The following SMIM14 variants were observed in gnomAD, a reference collection of about 807,000 sequenced individuals.
SMIM14 encodes the protein chromosome 4 open reading frame 34.
A neutral mutation model predicts 12.6 loss-of-function variants in SMIM14; 5 were observed. The ratio of observed to expected loss-of-function variants is 0.40; its 90% confidence interval spans 0.21 to 0.83. The LOEUF (loss-of-function observed/expected upper bound fraction) is 0.83, where lower values mean the gene tolerates loss of function less well. SMIM14 is among the 40% of genes least tolerant of loss of function. The probability of loss-of-function intolerance (pLI) is 0.37; values close to 1 mark genes in which losing one functional copy is unlikely to be tolerated. For missense variants in SMIM14, 86 were observed against 119.1 expected, an observed-to-expected ratio of 0.72 and a Z score of 1.29; for synonymous variants, 30 against 40.1, an observed-to-expected ratio of 0.75 and a Z score of 0.95.
At chr4:39,597,317 T>C (rs940657517) in intron 2 of SMIM14, among the ~76,000 whole-genome samples, 1 of 152,104 alleles carries the variant, frequency 6.6e-6, no homozygotes, top group African/African-American at 2.4e-5. Flanking sequence ...TCAGATGGTA[T>C]TGACTTTTCA....
rs1470782599 is a variant in SMIM14, at chr4:39,619,438, CAATA to C, written c.-35-14262_-35-14259del. Among the ~76,000 whole-genome samples the C allele has an allele frequency of 3.6e-5, 3 of 83,360 alleles. 1 individual carries two copies. Among genetic ancestry groups the C allele is most frequent in the African/African-American group, 5.4e-5 (1 of 18,466 alleles). 54.7% of individuals were successfully genotyped at this position (83,360 alleles called of 152,430 possible). A position where few individuals can be genotyped will look rare whatever the true frequency, so the allele number is the denominator to read the frequency against. ...TCAATAAATATAATTTATTCTATAT[CAATA>C]AATATAATTTATTCTATATCAATAA... On this transcript the variant is annotated intron_variant, in intron 1 of 4. Transcript: ENST00000295958.
chr4:39,561,195 C>T (rs922015017), intron 3 of SMIM14, among the ~76,000 whole-genome samples: 1 of 152,198 alleles, frequency 6.6e-6, no homozygotes, highest in African/African-American at 2.4e-5. Context: ...CTGAAATGTT[C>T]CAATGAGCAT....
intron 1 of SMIM14, among the ~76,000 whole-genome samples, chr4:39,611,623 G>A (rs1321854382): frequency 2.6e-5 from 4 of 151,864 alleles, no homozygotes; most frequent in African/African-American, 7.3e-5. Context: ...ATAGTGAGCC[G>A]AGATTGCCCA....
intron 1 of SMIM14, among the ~76,000 whole-genome samples, chr4:39,610,284 GT>G (rs1479993875): frequency 6.6e-6 from 1 of 152,076 alleles, no homozygotes; most frequent in Non-Finnish European, 1.5e-5. Context: ...ACCGCGCCTG[GT>G]CCAATTTAAC....
intron 1 of SMIM14, among the ~76,000 whole-genome samples, chr4:39,637,388 G>A (rs1393864772): frequency 6.6e-6 from 1 of 152,028 alleles, no homozygotes; most frequent in Non-Finnish European, 1.5e-5. Context: ...ATATCTCAAC[G>A]GCAAACACTG....
At chr4:39,587,259 G>A (rs901913337) in intron 2 of SMIM14, among the ~76,000 whole-genome samples, 22 of 151,898 alleles carry the variant, frequency 1.4e-4, no homozygotes, top group African/African-American at 4.6e-4. Flanking sequence ...CACTTTGGGA[G>A]GCCGAGGTGG....
In SMIM14 at chr4:39,546,870, G is replaced by A. The variant is rs1194813724; in HGVS notation, c.*5256C>T. The A allele has an allele frequency of 1.3e-5, 2 of 152,160 alleles. No homozygotes were observed. The highest frequency in any genetic ancestry group is 2.9e-5 in the Non-Finnish European group (2 of 68,026). The allele number at this position is 152,160 out of a possible 1,614,324, so 9.4% of individuals were successfully genotyped here. A position where few individuals can be genotyped will look rare whatever the true frequency, so the allele number is the denominator to read the frequency against. ...TATATGAGTATTCATGACCTTTAAT[G>A]TCTGGACACATTCTAGGTCACAGAA... On this transcript the variant is annotated 3_prime_UTR_variant, in exon 5 of 5. Transcript: ENST00000295958.
intron 1 of SMIM14, among the ~76,000 whole-genome samples, chr4:39,637,599 G>C (rs1252914177): frequency 1.4e-5 from 2 of 140,280 alleles, no homozygotes; most frequent in Non-Finnish European, 3.1e-5. Flanking sequence ...CACCACGTTG[G>C]AAAAAAAAAA....
chr4:39,552,618 T>C (rs1370113501), intron 4 of SMIM14, among the ~76,000 whole-genome samples: 2 of 152,234 alleles, frequency 1.3e-5, no homozygotes, highest in Non-Finnish European at 2.9e-5. Context: ...GTGGCTGCAG[T>C]TGCTTCTGGT....
At chr4:39,564,885 C>A (rs1344527700) in intron 3 of SMIM14, among the ~76,000 whole-genome samples, 7 of 152,028 alleles carry the variant, frequency 4.6e-5, no homozygotes, top group Non-Finnish European at 1.0e-4. Flanking sequence ...AGTGAAGTGA[C>A]CTGGGATTGG....
intron 1 of SMIM14, among the ~76,000 whole-genome samples, chr4:39,636,308 C>G (rs115505530): frequency 0.012 from 1,787 of 152,082 alleles, 30 homozygotes; most frequent in African/African-American, 0.041. Context: ...AATCTTTACC[C>G]GAATCAAACC....
rs1712122212 is a variant in SMIM14 at position 39,558,438 on chromosome 4, C to T, written c.125-1868G>A. Among the ~76,000 whole-genome samples, 2 of 152,216 alleles carry T rather than the reference C, an allele frequency of 1.3e-5. No homozygotes were observed. Among genetic ancestry groups the T allele is most frequent in the African/African-American group, 4.8e-5 (2 of 41,446 alleles). The stretch of plus-strand genomic sequence containing the variant: ...GCACAGATAAGCCTGGACAGATAAG[C>T]AGCCAGTAAAGCAAACAAGCCTTTT... On this transcript the variant is annotated intron_variant, in intron 3 of 4. Coordinates refer to ENST00000295958, the MANE Select transcript of SMIM14 (RefSeq NM_174921.3). The surrounding 1 kb of genome is among the most constrained non-coding windows in gnomAD (Gnocchi z 4.3).
chr4:39,599,755 C>T (rs1340897520), intron 2 of SMIM14, among the ~76,000 whole-genome samples: 1 of 151,910 alleles, frequency 6.6e-6, no homozygotes, highest in Non-Finnish European at 1.5e-5. Context: ...AACCCCGTCT[C>T]TACTAAAATT....
At chr4:39,608,375 T>A (rs1056398932) in intron 1 of SMIM14, among the ~76,000 whole-genome samples, 6 of 152,138 alleles carry the variant, frequency 3.9e-5, no homozygotes. Flanking sequence ...TTGTTTGCAA[T>A]AGACAAGAGA....
chr4:39,602,556 T>C (rs373799378), intron 2 of SMIM14, among the ~76,000 whole-genome samples: 28 of 152,154 alleles, frequency 1.8e-4, no homozygotes, highest in African/African-American at 6.5e-4. Flanking sequence ...GACTGCATCA[T>C]TGTACTCCAG....
chr4:39,572,488 TAGTGATTAGACTTAAACAAA>T (rs756749839), intron 2 of SMIM14, 25 bp from the exon 3 acceptor site: 1 of 1,592,838 alleles, frequency 6.3e-7, no homozygotes, highest in South Asian at 1.1e-5. Context: ...AAAGGGAAGT[TAGTGATTAGACTTAAACAAA>T]AGTGGACCAT....
chr4:39,572,277 CTTTTTTTTTTTTTTT>C, intron 3 of SMIM14, 123 bp downstream of exon 3: 1 of 208,862 alleles, frequency 4.8e-6, no homozygotes, highest in East Asian at 1.2e-4. Context: ...GTATGTGTCG[CTTTTTTTTTTTTTTT>C]TTTTTTTTTT....
rs149479257 is a variant in SMIM14 at position 39,587,749 on chromosome 4, C to T, written c.76-15286G>A. Reference sequence around the variant, plus strand: ...CCTGGGTGACAGAGCAAGACCCTGTCAAAGAAGAAAGGAGGAAGAAGGAAG... The same window carrying T: ...CCTGGGTGACAGAGCAAGACCCTGTTAAAGAAGAAAGGAGGAAGAAGGAAG... On this transcript the variant is annotated intron_variant, in intron 2 of 4. Transcript: ENST00000295958. Among the ~76,000 whole-genome samples, 302 of 151,706 alleles carry T rather than the reference C, an allele frequency of 2.0e-3. 1 individual carries two copies. The highest frequency in any genetic ancestry group is 0.01 in the Middle Eastern group (3 of 294).
At chr4:39,552,791 T>C (rs1711785314) in intron 4 of SMIM14, among the ~76,000 whole-genome samples, 1 of 152,190 alleles carries the variant, frequency 6.6e-6, no homozygotes, top group Non-Finnish European at 1.5e-5. Flanking sequence ...TTAAACCACT[T>C]GGAATTGACT....
Sources: allele counts gnomAD v4.1 joint callset (sites outside exome capture counted in the v4.1 genomes callset), GRCh38; gene constraint gnomAD v4.1.1; non-coding constraint Gnocchi (gnomAD v3.1); transcripts MANE v1.5; gene names NCBI Gene and HGNC (gene_info 2026-07-23, HGNC 2026-07-21).